Variants in PIEZO2 observed in about 807,000 individuals in gnomAD.
PIEZO2 encodes piezo-type mechanosensitive ion channel component 2.
PIEZO2 carries 172 observed loss-of-function variants against 337.3 expected under a neutral mutation model. The observed-to-expected ratio is 0.51, with a 90% CI of 0.45 to 0.58. The LOEUF (loss-of-function observed/expected upper bound fraction) is 0.58, where lower values mean the gene tolerates loss of function less well. PIEZO2 is among the 20% of genes least tolerant of loss of function. The probability of loss-of-function intolerance (pLI) is 0.00; values close to 1 mark genes in which losing one functional copy is unlikely to be tolerated. For synonymous variants in PIEZO2, 1,251 were observed against 1,228.5 expected, an observed-to-expected ratio of 1.02 and a Z score of -0.38; for missense variants, 3,028 against 3,391.3, an observed-to-expected ratio of 0.89 and a Z score of 2.66.
At chr18:10,947,821 G>C (rs778054990) in intron 3 of PIEZO2, among the ~76,000 whole-genome samples, 1 of 152,158 alleles carries the variant, frequency 6.6e-6, no homozygotes, top group East Asian at 1.9e-4. Flanking sequence ...TAGCACAAAG[G>C]CTGGGAAGAG....
At chr18:10,835,225 C>T (rs1206541816) in intron 7 of PIEZO2, among the ~76,000 whole-genome samples, 1 of 152,010 alleles carries the variant, frequency 6.6e-6, no homozygotes, top group African/African-American at 2.4e-5. Flanking sequence ...ATTATAACAG[C>T]CCAAACAGTC....
At chr18:10,827,994 C>G (rs768747312) in intron 7 of PIEZO2, among the ~76,000 whole-genome samples, 6 of 152,144 alleles carry the variant, frequency 3.9e-5, no homozygotes, top group African/African-American at 1.4e-4. Context: ...ACAAAAGTCA[C>G]CCCCAGGTCA....
intron 3 of PIEZO2, among the ~76,000 whole-genome samples, chr18:10,977,892 T>C (rs559244646): frequency 1.3e-5 from 2 of 152,018 alleles, no homozygotes; most frequent in African/African-American, 2.4e-5. Flanking sequence ...AGAAAGTAGG[T>C]TAGTGGTTGC....
intron 2 of PIEZO2, among the ~76,000 whole-genome samples, chr18:11,024,036 C>G (rs1027892152): frequency 6.6e-6 from 1 of 152,218 alleles, no homozygotes; most frequent in Admixed American, 6.5e-5. Context: ...TCCCTCCACA[C>G]CTCCCCGCAA....
intron 4 of PIEZO2, among the ~76,000 whole-genome samples, chr18:10,901,748 C>T (rs1211793440): frequency 6.6e-6 from 1 of 152,112 alleles, no homozygotes; most frequent in Admixed American, 6.6e-5. Flanking sequence ...TTATTGATAA[C>T]ATTCTTATCA....
At position 11,035,604 on chromosome 18, in the gene PIEZO2, G is replaced by T. The variant is rs952887116; in HGVS notation, c.160+30523C>A. Among the ~76,000 whole-genome samples, 12 of 152,138 alleles carry T rather than the reference G, an allele frequency of 7.9e-5. No individual in the cohort carries two copies. Among genetic ancestry groups the T allele is most frequent in the Non-Finnish European group, 4.4e-5 (3 of 68,034 alleles). On this transcript the variant is annotated intron_variant, in intron 2 of 55. Coordinates refer to ENST00000674853, the MANE Select transcript of PIEZO2 (RefSeq NM_001378183.1). This position sits in a 1 kb window ranked among gnomAD's most constrained non-coding sequence, Gnocchi z 4.3. Reference sequence around the variant, plus strand: ...TACTTGGCAGCTACCACACAAAGAGGATCTGCAGGCTAATTATCAGGAAAT... The same window carrying T: ...TACTTGGCAGCTACCACACAAAGAGTATCTGCAGGCTAATTATCAGGAAAT...
intron 3 of PIEZO2, among the ~76,000 whole-genome samples, chr18:10,972,613 G>A (rs1330115354): frequency 2.0e-5 from 3 of 152,200 alleles, no homozygotes; most frequent in Non-Finnish European, 4.4e-5. Context: ...ACCACATGGA[G>A]TAGAGTAGGT....
At chr18:10,961,313 TGGAAAACC>T (rs1485243928) in intron 3 of PIEZO2, among the ~76,000 whole-genome samples, 1 of 152,120 alleles carries the variant, frequency 6.6e-6, no homozygotes, top group Non-Finnish European at 1.5e-5. Flanking sequence ...AAGTAAAGAA[TGGAAAACC>T]AAACATCGTA....
chr18:10,868,614 G>C (rs2042064311), intron 5 of PIEZO2, among the ~76,000 whole-genome samples: 1 of 152,148 alleles, frequency 6.6e-6, no homozygotes, highest in African/African-American at 2.4e-5. Flanking sequence ...ATAATGTTTA[G>C]AGTATCTGTC....
chr18:10,735,072 G>A (rs1331181134), intron 35 of PIEZO2, among the ~76,000 whole-genome samples, 160 bp downstream of exon 35: 1 of 152,166 alleles, frequency 6.6e-6, no homozygotes, highest in African/African-American at 2.4e-5. Context: ...CTAAGAACTT[G>A]TTTTGGAAAA....
rs1354162021 is a variant in PIEZO2 at position 10,689,702 on chromosome 18, T to C, written c.7450A>G (p.Ile2484Val). The change falls in exon 49 of 56, where the codon ATC becomes GTC. Residue 2484 changes from isoleucine to valine, a missense_variant. Physicochemically the swap from Ile to Val is conservative, Grantham distance 29. Around this residue, in one of 5 missense-constraint regions of PIEZO2, gnomAD observed 179 missense variants for 281.8 expected, o/e 0.64. Coordinates refer to ENST00000674853, the MANE Select transcript of PIEZO2 (RefSeq NM_001378183.1). ...SLSSWICVED[I>V]YAHIFILKCW... ...TTCAGGATGAATATGTGAGCATAGA[T>C]GTCCTCCACACAGATCCAGCTGGAC... The C allele has an allele frequency of 7.4e-6, 12 of 1,614,122 alleles. No individual in the cohort carries two copies. Among genetic ancestry groups the C allele is most frequent in the East Asian group, 2.2e-5 (1 of 44,900 alleles).
At chr18:10,760,128 T>C (rs556143567) in intron 24 of PIEZO2, among the ~76,000 whole-genome samples, 32 of 152,264 alleles carry the variant, frequency 2.1e-4, no homozygotes, top group African/African-American at 7.5e-4. Flanking sequence ...GTAGCTGTTA[T>C]CATAACCACT....
At chr18:10,844,378 C>T (rs1047627791) in intron 7 of PIEZO2, among the ~76,000 whole-genome samples, 2 of 138,206 alleles carry the variant, frequency 1.4e-5, no homozygotes, top group Non-Finnish European at 3.2e-5. Context: ...CGAGACTGCA[C>T]CACTGTGCTC....
In PIEZO2 at chr18:10,781,053, G is replaced by A. The variant is rs547141888; in HGVS notation, c.2493-687C>T. Among the ~76,000 whole-genome samples, 6 of 150,764 alleles carry A rather than the reference G, an allele frequency of 4.0e-5. No homozygotes were observed. The highest frequency in any genetic ancestry group is 1.3e-4 in the Admixed American group (2 of 15,164). On this transcript the variant is annotated intron_variant, in intron 17 of 55. Coordinates refer to ENST00000674853, the MANE Select transcript of PIEZO2 (RefSeq NM_001378183.1). This position sits in a 1 kb window ranked among gnomAD's most constrained non-coding sequence, Gnocchi z 4.1. Reference sequence around the variant, plus strand: ...AAAAAAAAAAAGGATCCTACTCAGCGGCCATATTCAACATGTTGTTTTCTA... The same window carrying A: ...AAAAAAAAAAAGGATCCTACTCAGCAGCCATATTCAACATGTTGTTTTCTA...
At chr18:10,803,727 G>T in intron 9 of PIEZO2, 148 bp downstream of exon 9, 2 of 937,858 alleles carry the variant, frequency 2.1e-6, no homozygotes, top group Non-Finnish European at 2.9e-6. Context: ...TTCCCTCTCT[G>T]GTACTAACTC....
intron 1 of PIEZO2, among the ~76,000 whole-genome samples, chr18:11,113,432 C>T (rs190160545): frequency 6.6e-6 from 1 of 152,160 alleles, no homozygotes; most frequent in Non-Finnish European, 1.5e-5. Flanking sequence ...ACAGGACAGC[C>T]CTCCTAAAGG....
chr18:11,024,279 T>C (rs1009103733), intron 2 of PIEZO2, among the ~76,000 whole-genome samples: 3 of 151,064 alleles, frequency 2.0e-5, no homozygotes, highest in African/African-American at 7.3e-5. Flanking sequence ...GGCGCGGTGG[T>C]TCACGCCTGT....
In PIEZO2 at chr18:10,767,330, G is replaced by T. The variant is rs1041065223; in HGVS notation, c.2946+2818C>A. Among the ~76,000 whole-genome samples the T allele has an allele frequency of 1.3e-5, 2 of 152,116 alleles. No homozygotes were observed. The highest frequency in any genetic ancestry group is 4.8e-5 in the African/African-American group (2 of 41,416). On this transcript the variant is annotated intron_variant, in intron 21 of 55. Coordinates refer to ENST00000674853, the MANE Select transcript of PIEZO2 (RefSeq NM_001378183.1). This position sits in a 1 kb window ranked among gnomAD's most constrained non-coding sequence, Gnocchi z 4.2. ...GCTTCATGATGCTAACTTTGAAAAGGTTTAATATTTGCAGGAGAGATGAAC... is the reference window on the plus strand; with the variant it reads ...GCTTCATGATGCTAACTTTGAAAAGTTTTAATATTTGCAGGAGAGATGAAC...
At chr18:11,066,600 CT>C (rs769167135) in intron 1 of PIEZO2, among the ~76,000 whole-genome samples, 2 of 152,080 alleles carry the variant, frequency 1.3e-5, no homozygotes, top group African/African-American at 2.4e-5. Context: ...AAAGTGCAGA[CT>C]TTTTGTTTTT....
Sources: gnomAD v4.1 joint callset for allele counts (sites outside exome capture counted in the v4.1 genomes callset) on GRCh38, gnomAD v4.1.1 for gene constraint, gnomAD v4.1.1 regional missense constraint, Gnocchi (gnomAD v3.1) non-coding constraint, MANE v1.5 for transcripts, NCBI Gene and HGNC (gene_info 2026-07-23, HGNC 2026-07-21) for gene names.